The following TTC17 variants were observed in gnomAD, a reference collection of about 807,000 sequenced individuals.
TTC17 encodes the protein tetratricopeptide repeat domain 17.
TTC17 carries 58 observed loss-of-function variants against 143.8 expected under a neutral mutation model. The ratio of observed to expected loss-of-function variants is 0.40; its 90% confidence interval spans 0.33 to 0.50. The LOEUF (loss-of-function observed/expected upper bound fraction) is 0.50. Ranked by LOEUF, TTC17 falls within the 20% of genes least tolerant of loss-of-function variation. TTC17 has a pLI of 0.49. For synonymous variants in TTC17, 501 were observed against 497.8 expected (o/e 1.01, Z -0.09); for missense variants, 1,273 against 1,392.5 (o/e 0.91, Z 1.37).
At chr11:43,466,265 CAT>C (rs2134812042) in intron 21 of TTC17, 1 of 152,200 alleles carries the variant, frequency 6.6e-6, no homozygotes, top group Non-Finnish European at 1.5e-5. Context: ...CTATTAAAAA[CAT>C]AAAATTAATA....
intron 21 of TTC17, among the ~76,000 whole-genome samples, chr11:43,477,828 G>A (rs1416160834): frequency 6.6e-6 from 1 of 151,892 alleles, no homozygotes; most frequent in Non-Finnish European, 1.5e-5. Flanking sequence ...TTTTTTTGGG[G>A]GATAAGCAAT....
intron 2 of TTC17, among the ~76,000 whole-genome samples, chr11:43,388,196 A>G (rs1375968881): frequency 1.3e-5 from 2 of 152,192 alleles, no homozygotes; most frequent in African/African-American, 4.8e-5. Context: ...TTTACAGGAA[A>G]ATGGATAAAT....
intron 15 of TTC17, among the ~76,000 whole-genome samples, chr11:43,413,150 A>G (rs947479923): frequency 6.6e-6 from 1 of 152,218 alleles, no homozygotes; most frequent in African/African-American, 2.4e-5. Flanking sequence ...GCAATGGAAC[A>G]TAATAGGGAA....
chr11:43,359,017 G>A lies in TTC17; in HGVS notation c.63G>A (p.Trp21Ter). 6.3e-7 allele frequency: 1 copy of A among 1,590,418 alleles called. No homozygotes were observed. The highest frequency in any genetic ancestry group is 8.6e-7 in the Non-Finnish European group (1 of 1,169,474). The change falls in exon 1 of 24, where the codon TGG (tryptophan) becomes TGA (stop). Residue 21 changes from tryptophan to a stop codon, truncating the protein, a stop_gained. Transcript: ENST00000039989. LOFTEE classifies it high-confidence loss of function. ...TGCCGCCTTGCTCCGGCCCAGGCTG[G>A]CTCCTCAGCCTTTCCGCCTTGCTGA... ...YELPPCSGPG[W>*]LLSLSALLSV... is the part of the protein sequence containing the mutation.
intron 1 of TTC17, among the ~76,000 whole-genome samples, chr11:43,372,691 A>G (rs1158638800): frequency 6.6e-6 from 1 of 151,970 alleles, no homozygotes; most frequent in East Asian, 1.9e-4. Flanking sequence ...GGGTTTCACC[A>G]TGTTAGACAG....
intron 1 of TTC17, chr11:43,370,118 A>C (rs1421625923): frequency 2.2e-6 from 1 of 454,780 alleles, no homozygotes; most frequent in Non-Finnish European, 4.4e-6. Flanking sequence ...TCAAGAGTGG[A>C]AGCTGGGCTG....
chr11:43,438,065 G>A (rs1216691573), intron 16 of TTC17, among the ~76,000 whole-genome samples: 2 of 152,180 alleles, frequency 1.3e-5, no homozygotes, highest in Admixed American at 1.3e-4. Context: ...ATGTTAAATT[G>A]TAAGCATATC....
chr11:43,452,387 C>G (rs1947678202), intron 21 of TTC17, among the ~76,000 whole-genome samples: 2 of 152,072 alleles, frequency 1.3e-5, no homozygotes, highest in Admixed American at 1.3e-4. Flanking sequence ...GTAATCCCAG[C>G]TACTTGAGAG....
intron 2 of TTC17, among the ~76,000 whole-genome samples, chr11:43,380,306 A>G (rs1472324478): frequency 6.6e-6 from 1 of 151,942 alleles, no homozygotes; most frequent in African/African-American, 2.4e-5. Context: ...GCCAGGCTGC[A>G]GTGCAGTGGC....
chr11:43,417,813 C>T (rs3781803), intron 16 of TTC17, among the ~76,000 whole-genome samples: 116,617 of 152,306 alleles, frequency 0.77, 44,833 homozygotes, highest in East Asian at 0.88. Context: ...ATTGTGCCAC[C>T]GCACGATCCA....
At chr11:43,397,693 A>G (rs1258826121) in intron 7 of TTC17, among the ~76,000 whole-genome samples, 1 of 152,122 alleles carries the variant, frequency 6.6e-6, no homozygotes, top group African/African-American at 2.4e-5. Context: ...AATAATAATT[A>G]AATTGGAATT....
intron 1 of TTC17, among the ~76,000 whole-genome samples, chr11:43,364,797 T>A (rs1038301380): frequency 2.6e-5 from 4 of 152,206 alleles, no homozygotes; most frequent in Admixed American, 6.5e-5. Context: ...TTCAATTTTT[T>A]AAATTTTTAT....
intron 1 of TTC17, among the ~76,000 whole-genome samples, chr11:43,359,966 G>A (rs1445434277): frequency 2.0e-5 from 3 of 152,218 alleles, no homozygotes; most frequent in African/African-American, 7.2e-5. Context: ...TTCCGCTACA[G>A]AATATTGGTA....
chr11:43,396,473 G>T, intron 5 of TTC17: 1 of 283,492 alleles, frequency 3.5e-6, no homozygotes, highest in African/African-American at 2.2e-5. Context: ...GGAGTTGGAT[G>T]GTCTCTATAT....
rs544314714 is a variant in TTC17, at chr11:43,428,211, A to T, written c.2251+13435A>T. Among the ~76,000 whole-genome samples, 172 of 152,146 alleles carry T rather than the reference A, an allele frequency of 1.1e-3. 2 individuals carry two copies. Among genetic ancestry groups the T allele is most frequent in the Admixed American group, 2.7e-3 (42 of 15,276 alleles). On this transcript the variant is annotated intron_variant, in intron 16 of 23. Transcript: ENST00000039989. ...CGACCCTCATTGAAAACTAACACCTATGAGTCAGTCTCAGGAAGTCTGTTG... is the reference window on the plus strand; with the variant it reads ...CGACCCTCATTGAAAACTAACACCTTTGAGTCAGTCTCAGGAAGTCTGTTG...
rs560135842 is a variant in TTC17, at chr11:43,443,643, A to T, written c.2511+59A>T. 3.8e-5 allele frequency: 58 copies of T among 1,546,306 alleles called. No homozygotes were observed. The African/African-American group carries it at 7.2e-4, about 19-fold the overall frequency. Reference sequence around the variant, plus strand: ...AGCCCATGCCTTTCAGGGGATCCTAATATGCAAAGTGGGAAGTTTCTGTTG... The same window carrying T: ...AGCCCATGCCTTTCAGGGGATCCTATTATGCAAAGTGGGAAGTTTCTGTTG... On this transcript the variant is annotated intron_variant, in intron 17 of 23. Transcript: ENST00000039989.
chr11:43,455,742 C>G (rs1056170308), intron 21 of TTC17, among the ~76,000 whole-genome samples: 2 of 151,776 alleles, frequency 1.3e-5, no homozygotes, highest in South Asian at 4.1e-4. Flanking sequence ...TAATTCCAAC[C>G]AAAAAGCACA....
In TTC17 at chr11:43,414,870, C is replaced by T; in HGVS notation, c.2251+94C>T. On this transcript the variant is annotated intron_variant, in intron 16 of 23. Coordinates refer to ENST00000039989, the MANE Select transcript of TTC17 (RefSeq NM_018259.6). ...CAGAAAATGATTTTCTCTATTTTAC[C>T]CAAGGATTTTAGATAACCAGTATAA... 4 of 1,378,586 alleles carry T rather than the reference C, an allele frequency of 2.9e-6. No homozygotes were observed. The South Asian group carries it at 4.0e-5, about 14-fold the overall frequency. The allele number at this position is 1,378,586 out of a possible 1,614,324, so 85.4% of individuals were successfully genotyped here. A position where few individuals can be genotyped will look rare whatever the true frequency, so the allele number is the denominator to read the frequency against.
At chr11:43,493,676 C>G in intron 23 of TTC17, 97 bp from the exon 24 acceptor site, 3 of 1,568,846 alleles carry the variant, frequency 1.9e-6, no homozygotes, top group Non-Finnish European at 1.7e-6. Flanking sequence ...GCGGGATTGT[C>G]CCTAGTACAG....
Sources: gnomAD v4.1 joint callset for allele counts (sites outside exome capture counted in the v4.1 genomes callset) on GRCh38, gnomAD v4.1.1 for gene constraint, MANE v1.5 for transcripts, NCBI Gene and HGNC (gene_info 2026-07-23, HGNC 2026-07-21) for gene names.